MOG: variants seen among roughly 807,000 people sequenced by gnomAD.
MOG encodes myelin oligodendrocyte glycoprotein, also known as myelin-oligodendrocyte glycoprotein.
In MOG, 20 loss-of-function variants were observed where a neutral mutation model predicts 35.9. The ratio of observed to expected loss-of-function variants is 0.56; its 90% CI spans 0.39 to 0.81. The LOEUF is 0.81. MOG is among the 30% of genes least tolerant of loss of function. The probability of loss-of-function intolerance (pLI) is 0.00; values close to 1 mark genes in which losing one functional copy is unlikely to be tolerated. For missense variants in MOG, 251 were observed against 301.0 expected (o/e 0.83, Z 1.23); for synonymous variants, 92 against 114.3 (o/e 0.80, Z 1.25).
At chr6:29,661,466 A>G (rs1181385822) in intron 2 of MOG, 1 of 985,246 alleles carries the variant, frequency 1.0e-6, no homozygotes, top group Non-Finnish European at 1.2e-6. Context: ...CTTCCTGCTC[A>G]ACAACTTCCT....
At chr6:29,660,160 C>T (rs182900855) in intron 2 of MOG, among the ~76,000 whole-genome samples, 13 of 144,216 alleles carry the variant, frequency 9.0e-5, no homozygotes, top group Admixed American at 7.1e-4. Context: ...CACTCCAACC[C>T]GGGTGACAGA....
chr6:29,657,787 G>T (rs1178803652), intron 1 of MOG, among the ~76,000 whole-genome samples: 1 of 151,548 alleles, frequency 6.6e-6, no homozygotes, highest in Non-Finnish European at 1.5e-5. Flanking sequence ...GGGATTATGG[G>T]CGTGAGCCAC....
At position 29,671,461 on chromosome 6, in the gene MOG, G is replaced by A. The variant is rs1176796472; in HGVS notation, c.*276G>A. 1 of 1,564,722 alleles carries A rather than the reference G, an allele frequency of 6.4e-7. No homozygotes were observed. The highest frequency in any genetic ancestry group is 8.8e-7 in the Non-Finnish European group (1 of 1,136,442). The stretch of plus-strand genomic sequence containing the variant: ...GCCCTCTCTGGCTAAGGACAGGCAG[G>A]TGCCCCTCTCTCCATCAGAGGACAC... On this transcript the variant is annotated 3_prime_UTR_variant, in exon 8 of 8. Transcript: ENST00000376917.
chr6:29,672,289 A>AAAATAAATAAAT lies in MOG; in HGVS notation c.*1140_*1151dup, dbSNP rs200245124. ...AGTGACAGAGTAAGACTCTGTCTCA[A>AAAATAAATAAAT]AAATAAATAAATAAATAAATAAATA... On this transcript the variant is annotated 3_prime_UTR_variant, in exon 8 of 8. Coordinates refer to ENST00000376917, the MANE Select transcript of MOG (RefSeq NM_206809.4). 4.3e-3 allele frequency: 730 copies of AAAATAAATAAAT among 168,086 alleles called. 2 individuals are homozygous for AAAATAAATAAAT. Among genetic ancestry groups the AAAATAAATAAAT allele is most frequent in the Admixed American group, 5.0e-3 (72 of 14,532 alleles). 10.4% of individuals were successfully genotyped at this position (168,086 alleles called of 1,614,324 possible). A position where few individuals can be genotyped will look rare whatever the true frequency, so the allele number is the denominator to read the frequency against.
Position 29,670,808 on chromosome 6 carries a change from AG to A in MOG, c.730+90del. The A allele has an allele frequency of 6.3e-7, 1 of 1,589,952 alleles. No individual in the cohort carries two copies. Among genetic ancestry groups the A allele is most frequent in the Non-Finnish European group, 8.6e-7 (1 of 1,167,254 alleles). On this transcript the variant is annotated intron_variant, in intron 7 of 7. Transcript: ENST00000376917. The surrounding 1 kb of genome is among the most constrained non-coding windows in gnomAD (Gnocchi z 4.2). ...AACAAGAGGAAGAGGCGGGCTATTGAGGGATCACATTCCCAGAGGAAAGGAG... is the reference window on the plus strand; with the variant it reads ...AACAAGAGGAAGAGGCGGGCTATTGAGGATCACATTCCCAGAGGAAAGGAG...
intron 2 of MOG, 76 bp downstream of exon 2, chr6:29,659,742 T>A: frequency 8.4e-7 from 1 of 1,188,758 alleles, no homozygotes; most frequent in South Asian, 1.3e-5. Flanking sequence ...TGAGATGAGA[T>A]CCCTCAACCC....
rs1307016348 is a variant in MOG, at chr6:29,671,277, T to G, written c.*92T>G. The G allele has an allele frequency of 1.1e-5, 18 of 1,611,844 alleles. No homozygotes were observed. The highest frequency in any genetic ancestry group is 1.4e-5 in the Non-Finnish European group (16 of 1,180,026). On this transcript the variant is annotated 3_prime_UTR_variant, in exon 8 of 8. Transcript: ENST00000376917. The stretch of plus-strand genomic sequence containing the variant: ...CTCATCCATCAAGTTGCACACTCAC[T>G]GGCATCTTTGCTATGGGGACATTCC...
At chr6:29,659,253 C>T in intron 1 of MOG, 66 bp from the exon 2 acceptor site, 1 of 1,494,086 alleles carries the variant, frequency 6.7e-7, no homozygotes. Context: ...CAGCCCTTCT[C>T]ATGACAGGCT....
intron 2 of MOG, chr6:29,661,426 G>A (rs2127501296): frequency 1.0e-6 from 1 of 985,338 alleles, no homozygotes; most frequent in African/African-American, 1.7e-5. Context: ...GTTTGATAGT[G>A]AGACCCTCTC....
chr6:29,666,750 T>C (rs1770304357), intron 3 of MOG, among the ~76,000 whole-genome samples: 1 of 152,180 alleles, frequency 6.6e-6, no homozygotes, highest in Admixed American at 6.5e-5. Context: ...CATTCAACAC[T>C]GAGGACTCAG....
chr6:29,657,658 CTTTTCT>C (rs1428782192), intron 1 of MOG, among the ~76,000 whole-genome samples: 2 of 99,514 alleles, frequency 2.0e-5, no homozygotes, highest in African/African-American at 7.7e-5. Context: ...TAAATTTTTT[CTTTTCT>C]TTTTTTTTTT....
In MOG at chr6:29,671,297, C is replaced by G. The variant is rs774249340; in HGVS notation, c.*112C>G. 1.1e-5 allele frequency: 18 copies of G among 1,611,628 alleles called. No homozygotes were observed. The highest frequency in any genetic ancestry group is 1.5e-5 in the Non-Finnish European group (18 of 1,180,002). On this transcript the variant is annotated 3_prime_UTR_variant, in exon 8 of 8. Transcript: ENST00000376917. Reference sequence around the variant, plus strand: ...CTCACTGGCATCTTTGCTATGGGGACATTCCAATTTGCACTTTCAGGAACA... The same window carrying G: ...CTCACTGGCATCTTTGCTATGGGGAGATTCCAATTTGCACTTTCAGGAACA...
rs1239336806 is a variant in MOG, at chr6:29,670,903, A to G, written c.730+182A>G. 7 of 1,604,170 alleles carry G rather than the reference A, an allele frequency of 4.4e-6. No individual in the cohort carries two copies. The highest frequency in any genetic ancestry group is 6.0e-6 in the Non-Finnish European group (7 of 1,175,540). On this transcript the variant is annotated intron_variant, in intron 7 of 7. Transcript: ENST00000376917. This position sits in a 1 kb window ranked among gnomAD's most constrained non-coding sequence, Gnocchi z 4.2. ...AGAGGGCAAAGAAGCCAGCTGTTAG[A>G]GACACATTTACAGGTGGCAGAGAAG...
Position 29,659,606 on chromosome 6 carries a change from A to G in MOG, c.376A>G (p.Thr126Ala), listed in dbSNP as rs1179722329. 1 of 1,613,124 alleles carries G rather than the reference A, an allele frequency of 6.2e-7. No individual in the cohort carries two copies. Among genetic ancestry groups the G allele is most frequent in the Non-Finnish European group, 8.5e-7 (1 of 1,180,036 alleles). The change falls in exon 2 of 8, where the codon ACC becomes GCC. Residue 126 changes from threonine (T) to alanine (A), a missense_variant. Physicochemically the swap from Thr to Ala is moderately conservative, Grantham distance 58. Transcript: ENST00000376917. ...NVRFSDEGGF[T>A]CFFRDHSYQE... ...AAGGTTCTCAGATGAAGGAGGTTTC[A>G]CCTGCTTCTTCCGAGATCATTCTTA...
rs968124008 is a variant in MOG at position 29,670,500 on chromosome 6, G to A, written c.709+103G>A. 1.6e-4 allele frequency: 240 copies of A among 1,494,400 alleles called. No homozygotes were observed. The highest frequency in any genetic ancestry group is 5.0e-4 in the Admixed American group (30 of 59,790). The allele number at this position is 1,494,400 out of a possible 1,614,324, so 92.6% of individuals were successfully genotyped here. ...ATAGAACCAGGACTCAAGATTAGGG[G>A]AGCTGGGATTTCCTTATTCCTCTGT... On this transcript the variant is annotated intron_variant, in intron 6 of 7. Coordinates refer to ENST00000376917, the MANE Select transcript of MOG (RefSeq NM_206809.4). The surrounding 1 kb of genome is among the most constrained non-coding windows in gnomAD (Gnocchi z 4.2).
intron 2 of MOG, chr6:29,661,724 G>C: frequency 1.1e-6 from 1 of 906,878 alleles, no homozygotes; most frequent in Middle Eastern, 5.6e-4. Flanking sequence ...GCTGAGGCAG[G>C]AGAATCGCTT....
intron 2 of MOG, chr6:29,661,453 C>A (rs1037947198): frequency 2.9e-5 from 29 of 985,270 alleles, no homozygotes; most frequent in Non-Finnish European, 3.3e-5. Context: ...GCAGATTTTT[C>A]TCCTTCCTGC....
At chr6:29,667,764 T>C in intron 4 of MOG, 101 bp downstream of exon 4, 2 of 1,551,916 alleles carry the variant, frequency 1.3e-6, no homozygotes, top group South Asian at 2.2e-5. Flanking sequence ...CAATACCCTG[T>C]TTTCCCCTCA....
chr6:29,663,259 T>G (rs1583118219), intron 2 of MOG, among the ~76,000 whole-genome samples: 3 of 106,192 alleles, frequency 2.8e-5, no homozygotes, highest in Admixed American at 1.2e-4. Context: ...GGCAACAGAG[T>G]GAGACTCAAA....
Sources: allele counts gnomAD v4.1 joint callset (sites outside exome capture counted in the v4.1 genomes callset), GRCh38; gene constraint gnomAD v4.1.1; non-coding constraint Gnocchi (gnomAD v3.1); transcripts MANE v1.5; gene names NCBI Gene and HGNC (gene_info 2026-07-23, HGNC 2026-07-21).